The following EXOC4 variants were observed in gnomAD, a reference collection of about 807,000 sequenced individuals.
EXOC4 encodes the protein SEC8-like 1.
In EXOC4, 71 loss-of-function variants were observed where a neutral mutation model predicts 107.2. That is an observed-to-expected ratio of 0.66 (90% CI 0.55 to 0.81). The LOEUF (loss-of-function observed/expected upper bound fraction) is 0.81, where lower values mean the gene tolerates loss of function less well. Ranked by LOEUF, EXOC4 falls within the 30% of genes least tolerant of loss-of-function variation. EXOC4 has a pLI of 0.00. For missense variants in EXOC4, 1,108 were observed against 1,189.6 expected, an observed-to-expected ratio of 0.93 and a Z score of 1.01; for synonymous variants, 456 against 441.2, an observed-to-expected ratio of 1.03 and a Z score of -0.42.
chr7:133,696,246 TG>T (rs1482716346), intron 10 of EXOC4, among the ~76,000 whole-genome samples: 1 of 152,158 alleles, frequency 6.6e-6, no homozygotes, highest in African/African-American at 2.4e-5. Flanking sequence ...CAGTTTCTGT[TG>T]TCAATGCAGA....
At chr7:133,456,850 A>C (rs1156314667) in intron 7 of EXOC4, among the ~76,000 whole-genome samples, 1 of 152,232 alleles carries the variant, frequency 6.6e-6, no homozygotes, top group African/African-American at 2.4e-5. Context: ...AGGAAATTAC[A>C]GGAATAGGCC....
At chr7:133,432,693 C>T (rs1371586389) in intron 7 of EXOC4, among the ~76,000 whole-genome samples, 2 of 152,198 alleles carry the variant, frequency 1.3e-5, no homozygotes, top group African/African-American at 4.8e-5. Flanking sequence ...ATCTGTTTGT[C>T]AAGTGCTTTC....
At chr7:133,393,647 G>C (rs1796904810) in intron 7 of EXOC4, among the ~76,000 whole-genome samples, 2 of 152,142 alleles carry the variant, frequency 1.3e-5, no homozygotes, top group Admixed American at 6.5e-5. Flanking sequence ...GCCCCAGAGA[G>C]CTCCCTCGAC....
rs186879682 is a variant in EXOC4, at chr7:133,906,660, C to T, written c.1872-10923C>T. ...GCATTCTTCTGCTCTGTGTTTACTA[C>T]GGCTCGAGCTGAGCTTTCGCTCGCT... is the stretch of plus-strand genomic sequence containing the variant. On this transcript the variant is annotated intron_variant, in intron 12 of 17. Coordinates refer to ENST00000253861, the MANE Select transcript of EXOC4 (RefSeq NM_021807.4). Among the ~76,000 whole-genome samples, 104 of 152,332 alleles carry T rather than the reference C, an allele frequency of 6.8e-4. 1 individual carries two copies. The highest frequency in any genetic ancestry group is 5.0e-3 in the East Asian group (26 of 5,168).
At chr7:133,640,214 G>A (rs1802820201) in intron 10 of EXOC4, among the ~76,000 whole-genome samples, 1 of 152,040 alleles carries the variant, frequency 6.6e-6, no homozygotes, top group African/African-American at 2.4e-5. Context: ...CTTTCCCTGA[G>A]AGATAACCAT....
intron 10 of EXOC4, among the ~76,000 whole-genome samples, chr7:133,633,924 C>G (rs1802647862): frequency 6.6e-6 from 1 of 152,116 alleles, no homozygotes; most frequent in African/African-American, 2.4e-5. Flanking sequence ...GTCACTGGTA[C>G]TCTGTCTTCC....
At chr7:133,690,424 G>A (rs1404179621) in intron 10 of EXOC4, among the ~76,000 whole-genome samples, 1 of 152,146 alleles carries the variant, frequency 6.6e-6, no homozygotes, top group African/African-American at 2.4e-5. Context: ...ATGCCACCAT[G>A]CCATCTCCCT....
chr7:133,371,556 A>C (rs1044405860), intron 6 of EXOC4, among the ~76,000 whole-genome samples: 2 of 152,202 alleles, frequency 1.3e-5, no homozygotes, highest in African/African-American at 4.8e-5. Flanking sequence ...CAGTTGTACC[A>C]TGTATCAGTA....
intron 7 of EXOC4, among the ~76,000 whole-genome samples, chr7:133,431,922 C>G (rs970777647): frequency 6.6e-6 from 1 of 152,140 alleles, no homozygotes; most frequent in Non-Finnish European, 1.5e-5. Flanking sequence ...AAACTCATTC[C>G]AGGGAGCAGA....
At chr7:134,051,098 C>T (rs191284219) in intron 17 of EXOC4, among the ~76,000 whole-genome samples, 4 of 152,256 alleles carry the variant, frequency 2.6e-5, no homozygotes, top group South Asian at 2.1e-4. Flanking sequence ...AAGCTAGTTC[C>T]GTTAAGCAAA....
At chr7:133,661,152 A>C (rs1803430166) in intron 10 of EXOC4, among the ~76,000 whole-genome samples, 1 of 152,080 alleles carries the variant, frequency 6.6e-6, no homozygotes, top group East Asian at 1.9e-4. Flanking sequence ...ATCACACCTG[A>C]GAGGGGTAAA....
intron 4 of EXOC4, among the ~76,000 whole-genome samples, chr7:133,307,034 G>C (rs1794768266): frequency 6.6e-6 from 1 of 152,146 alleles, no homozygotes; most frequent in Admixed American, 6.5e-5. Flanking sequence ...GATCTTTTCA[G>C]AGGGCATTTC....
intron 17 of EXOC4, among the ~76,000 whole-genome samples, chr7:134,028,092 TGGA>T (rs1779468517): frequency 2.0e-5 from 3 of 152,232 alleles, no homozygotes; most frequent in Admixed American, 2.0e-4. Context: ...TAGAATCCTC[TGGA>T]GGAGGAGGGT....
intron 14 of EXOC4, among the ~76,000 whole-genome samples, chr7:133,975,023 AC>A (rs1793798000): frequency 1.3e-5 from 1 of 77,042 alleles, no homozygotes; most frequent in Admixed American, 1.6e-4. Flanking sequence ...AAATTCCTAT[AC>A]CTTTTTTTTT....
intron 7 of EXOC4, among the ~76,000 whole-genome samples, chr7:133,444,126 A>G (rs1024460291): frequency 6.6e-6 from 1 of 152,160 alleles, no homozygotes; most frequent in African/African-American, 2.4e-5. Context: ...CCATGGGTTC[A>G]GTCTGAGTGT....
intron 7 of EXOC4, among the ~76,000 whole-genome samples, chr7:133,432,130 G>T (rs997411050): frequency 6.6e-6 from 1 of 152,026 alleles, no homozygotes; most frequent in East Asian, 1.9e-4. Flanking sequence ...TCCCTTTAAT[G>T]TTGGGAGTTG....
chr7:133,780,996 A>G (rs2151172945), intron 10 of EXOC4, among the ~76,000 whole-genome samples: 1 of 152,324 alleles, frequency 6.6e-6, no homozygotes, highest in East Asian at 1.9e-4. Context: ...CTGGGTAGAT[A>G]ACCTTTTATT....
chr7:133,668,720 G>A (rs192246679), intron 10 of EXOC4, among the ~76,000 whole-genome samples: 1 of 152,338 alleles, frequency 6.6e-6, no homozygotes, highest in East Asian at 1.9e-4. Flanking sequence ...CAGAGGGGAT[G>A]TTAAAGCTTA....
intron 12 of EXOC4, among the ~76,000 whole-genome samples, chr7:133,912,511 A>G (rs1799718192): frequency 6.6e-6 from 1 of 152,238 alleles, no homozygotes; most frequent in African/African-American, 2.4e-5. Context: ...GTTAAATACC[A>G]AATGACTTGA....
Sources: gnomAD v4.1 joint callset for allele counts (sites outside exome capture counted in the v4.1 genomes callset) on GRCh38, gnomAD v4.1.1 for gene constraint, MANE v1.5 for transcripts, NCBI Gene and HGNC (gene_info 2026-07-23, HGNC 2026-07-21) for gene names.